The following SKAP1 variants were observed in gnomAD, a reference collection of about 807,000 sequenced individuals.
SKAP1 encodes the protein src kinase associated phosphoprotein 1.
Under a neutral mutation model 58.5 loss-of-function variants are expected in SKAP1, and 44 were observed. The observed-to-expected ratio is 0.75, with a 90% CI of 0.59 to 0.97. SKAP1 has a LOEUF of 0.97. SKAP1 is among the 50% of genes least tolerant of loss of function. SKAP1 has a pLI of 0.00. For synonymous variants in SKAP1, 127 were observed against 149.7 expected, an observed-to-expected ratio of 0.85 and a Z score of 1.11; for missense variants, 390 against 435.2, an observed-to-expected ratio of 0.90 and a Z score of 0.92.
intron 11 of SKAP1, among the ~76,000 whole-genome samples, chr17:48,159,511 C>T (rs1383799516): frequency 1.3e-5 from 2 of 152,130 alleles, no homozygotes; most frequent in African/African-American, 2.4e-5. Flanking sequence ...CACCACTTTC[C>T]GGGACTAAAT....
chr17:48,166,442 G>A (rs956908315), intron 10 of SKAP1, among the ~76,000 whole-genome samples: 7 of 152,122 alleles, frequency 4.6e-5, no homozygotes, highest in Non-Finnish European at 5.9e-5. Context: ...CCTGTGTGAC[G>A]AGCAAAGTTT....
chr17:48,364,691 C>A (rs1246207238), intron 2 of SKAP1, among the ~76,000 whole-genome samples: 1 of 151,884 alleles, frequency 6.6e-6, no homozygotes, highest in Admixed American at 6.6e-5. Flanking sequence ...ACAAAACAAA[C>A]AACAACAACA....
intron 11 of SKAP1, among the ~76,000 whole-genome samples, chr17:48,155,402 G>GCCA (rs2063962406): frequency 6.6e-6 from 1 of 151,604 alleles, no homozygotes; most frequent in Non-Finnish European, 1.5e-5. Flanking sequence ...TGCTGGGTGA[G>GCCA]CCACCACGCC....
intron 2 of SKAP1, among the ~76,000 whole-genome samples, chr17:48,367,536 G>GTGTATATATATATATGGATATATATCCA (rs2067020194): frequency 7.4e-6 from 1 of 135,600 alleles, no homozygotes; most frequent in Non-Finnish European, 1.6e-5. Context: ...GTATGTGTGT[G>GTGTATATATATATATGGATATATATCCA]TATATATATA....
rs144385762 is a variant in SKAP1, at chr17:48,309,027, G to A, written c.280+36878C>T. ...TTTGATACCTGAGAGCTCTGATCGGGGTAACTGACGGTGTATGGGCTTTTT... is the reference window on the plus strand; with the variant it reads ...TTTGATACCTGAGAGCTCTGATCGGAGTAACTGACGGTGTATGGGCTTTTT... On this transcript the variant is annotated intron_variant, in intron 4 of 12. Transcript: ENST00000336915. 5.1e-4 allele frequency among the ~76,000 whole-genome samples: 77 copies of A among 151,916 alleles called. 1 individual carries two copies. The highest frequency in any genetic ancestry group is 1.3e-3 in the African/African-American group (55 of 41,442).
intron 4 of SKAP1, among the ~76,000 whole-genome samples, chr17:48,331,950 ATAT>A (rs1314491587): frequency 6.6e-6 from 1 of 152,104 alleles, no homozygotes; most frequent in African/African-American, 2.4e-5. Context: ...TTTATACAAA[ATAT>A]TATTTCTTAA....
At chr17:48,148,125 G>A (rs746181524) in intron 11 of SKAP1, among the ~76,000 whole-genome samples, 39 of 152,302 alleles carry the variant, frequency 2.6e-4, no homozygotes, top group Admixed American at 4.6e-4. Flanking sequence ...TGAACAGGGT[G>A]GGAGTGGATA....
intron 4 of SKAP1, among the ~76,000 whole-genome samples, chr17:48,263,225 A>G (rs1361817999): frequency 6.6e-6 from 1 of 152,146 alleles, no homozygotes; most frequent in Non-Finnish European, 1.5e-5. Context: ...GGGTACAAGA[A>G]ATACTGAAAG....
At chr17:48,435,228 CT>C (rs1002810051), upstream of SKAP1, among the ~76,000 whole-genome samples, 341 of 144,610 alleles carry the variant, frequency 2.4e-3, no homozygotes, top group Middle Eastern at 3.5e-3. Context: ...GTTCCCAATC[CT>C]TTTTTTTTTT....
At chr17:48,364,777 T>G (rs1180261955) in intron 2 of SKAP1, among the ~76,000 whole-genome samples, 2 of 152,228 alleles carry the variant, frequency 1.3e-5, no homozygotes, top group African/African-American at 4.8e-5. Context: ...TCTAACATTT[T>G]AGTGTCTGAG....
chr17:48,251,337 T>G (rs2065361049), intron 4 of SKAP1, among the ~76,000 whole-genome samples: 1 of 152,200 alleles, frequency 6.6e-6, no homozygotes, highest in African/African-American at 2.4e-5. Context: ...CACCTCCAAA[T>G]GTACACCCTC....
At chr17:48,397,642 C>T (rs902560349) in intron 1 of SKAP1, among the ~76,000 whole-genome samples, 2 of 152,096 alleles carry the variant, frequency 1.3e-5, no homozygotes, top group Non-Finnish European at 2.9e-5. Flanking sequence ...TAGAGCTGAA[C>T]TGCAAAAATC....
At chr17:48,196,780 T>A (rs1361585918) in intron 4 of SKAP1, 1 of 152,264 alleles carries the variant, frequency 6.6e-6, no homozygotes, top group African/African-American at 2.4e-5. Flanking sequence ...GCTGCCAAAG[T>A]GAGCACTCGG....
At position 48,369,178 on chromosome 17, in the gene SKAP1, T is replaced by TAA. The variant is rs775168454; in HGVS notation, c.153-5365_153-5364insTT. ...ATAAATAAATAAATAAATAAATAAA[T>TAA]ATAAAATAAAGATGTTTTAACTGAA... On this transcript the variant is annotated intron_variant, in intron 2 of 12. Transcript: ENST00000336915. Among the ~76,000 whole-genome samples, 1,260 of 145,374 alleles carry TAA rather than the reference T, an allele frequency of 8.7e-3. 17 individuals carry two copies. Among genetic ancestry groups the TAA allele is most frequent in the African/African-American group, 0.027 (1,028 of 38,658 alleles).
At chr17:48,340,851 CATTT>C (rs369944693) in intron 4 of SKAP1, among the ~76,000 whole-genome samples, 381 of 152,156 alleles carry the variant, frequency 2.5e-3, no homozygotes, top group African/African-American at 8.7e-3. Flanking sequence ...GCTATGAACA[CATTT>C]ATTTTAAAAA....
rs1262782857 is a variant in SKAP1 at position 48,430,187 on chromosome 17, C to CGACCCGGCT, written c.-76_-68dup. 1 of 1,222,136 alleles carries CGACCCGGCT rather than the reference C, an allele frequency of 8.2e-7. No individual in the cohort carries two copies. Among genetic ancestry groups the CGACCCGGCT allele is most frequent in the Non-Finnish European group, 1.0e-6 (1 of 967,762 alleles). 75.7% of individuals were successfully genotyped at this position (1,222,136 alleles called of 1,614,324 possible). The stretch of plus-strand genomic sequence containing the variant: ...GTCGGGAGGCGGACGGGCTGGAAGG[C>CGACCCGGCT]GACCCGGCTGCACCGCGAGGCACCT... On this transcript the variant is annotated 5_prime_UTR_variant, in exon 1 of 13. Transcript: ENST00000336915.
At position 48,137,028 on chromosome 17, in the gene SKAP1, T is replaced by A. The variant is rs1598351013; in HGVS notation, c.*7+201A>T. The A allele has an allele frequency of 1.0e-5, 5 of 488,336 alleles. No homozygotes were observed. In the East Asian group the frequency reaches 1.7e-4, roughly 16 times the overall value. 30.3% of individuals were successfully genotyped at this position (488,336 alleles called of 1,614,324 possible). A position where few individuals can be genotyped will look rare whatever the true frequency, so the allele number is the denominator to read the frequency against. ...TTATGTTGCTATTAGTTGAACCTTA[T>A]CCTAAGTGACACTGTCCCCAAATTT... On this transcript the variant is annotated intron_variant, in intron 12 of 12. Coordinates refer to ENST00000336915, the MANE Select transcript of SKAP1 (RefSeq NM_003726.4).
intron 4 of SKAP1, among the ~76,000 whole-genome samples, chr17:48,254,947 T>C (rs2065406829): frequency 6.6e-6 from 1 of 152,226 alleles, no homozygotes; most frequent in Admixed American, 6.5e-5. Flanking sequence ...GTTTTGTTTT[T>C]CTTTTTTCCT....
chr17:48,383,635 C>T (rs994939299), intron 2 of SKAP1, among the ~76,000 whole-genome samples: 1 of 151,896 alleles, frequency 6.6e-6, no homozygotes, highest in Non-Finnish European at 1.5e-5. Flanking sequence ...CTAATTTTCT[C>T]TTCCTACATC....
Sources: gnomAD v4.1 joint callset for allele counts (sites outside exome capture counted in the v4.1 genomes callset) on GRCh38, gnomAD v4.1.1 for gene constraint, MANE v1.5 for transcripts, NCBI Gene and HGNC (gene_info 2026-07-23, HGNC 2026-07-21) for gene names.